Variants in PLEKHH2 observed in about 807,000 individuals in gnomAD.
PLEKHH2 encodes pleckstrin homology, MyTH4 and FERM domain containing H2, also known as pleckstrin homology domain-containing family H member 2.
PLEKHH2 carries 129 observed loss-of-function variants against 187.9 expected under a neutral mutation model. The ratio of observed to expected loss-of-function variants is 0.69; its 90% confidence interval spans 0.59 to 0.79. PLEKHH2 has a LOEUF of 0.79. PLEKHH2 is among the 30% of genes least tolerant of loss of function. PLEKHH2 has a pLI of 0.00. For synonymous variants in PLEKHH2, 686 were observed against 605.6 expected, an observed-to-expected ratio of 1.13 and a Z score of -1.95; for missense variants, 2,076 against 1,751.2, an observed-to-expected ratio of 1.19 and a Z score of -3.31.
At chr2:43,640,920 A>T (rs1181975837) in intron 1 of PLEKHH2, among the ~76,000 whole-genome samples, 1 of 148,298 alleles carries the variant, frequency 6.7e-6, no homozygotes. Flanking sequence ...AGTAGCTGGG[A>T]CTACAGGCCT....
At chr2:43,678,802 T>C in intron 2 of PLEKHH2, 61 bp from the exon 3 acceptor site, 1 of 1,326,528 alleles carries the variant, frequency 7.5e-7, no homozygotes, top group Admixed American at 1.9e-5. Flanking sequence ...TAAAGCCTTT[T>C]TCAGAAAGGC....
At chr2:43,730,470 C>T (rs1670983429) in intron 18 of PLEKHH2, among the ~76,000 whole-genome samples, 1 of 152,232 alleles carries the variant, frequency 6.6e-6, no homozygotes, top group African/African-American at 2.4e-5. Flanking sequence ...ATGATCTCCG[C>T]TCACTGCAAC....
In PLEKHH2 at chr2:43,712,205, C is replaced by T. The variant is rs1013585586; in HGVS notation, c.2302-20C>T. ...AATCTTCACAGTTTTCTTTCCTATA[C>T]CTTTCTCGTTGCATTCTAGTTGACC... is the stretch of plus-strand genomic sequence containing the variant. On this transcript the variant is annotated intron_variant, in intron 14 of 29. Coordinates refer to ENST00000282406, the MANE Select transcript of PLEKHH2 (RefSeq NM_172069.4). 5 of 1,607,056 alleles carry T rather than the reference C, an allele frequency of 3.1e-6. No individual in the cohort carries two copies. The highest frequency in any genetic ancestry group is 4.3e-6 in the Non-Finnish European group (5 of 1,173,712).
chr2:43,751,145 T>A (rs1052758092), intron 24 of PLEKHH2, among the ~76,000 whole-genome samples: 18 of 152,212 alleles, frequency 1.2e-4, no homozygotes, highest in Middle Eastern at 3.2e-3. Context: ...TGTAAAGCAC[T>A]TGGTTCAGAG....
At chr2:43,684,226 T>C (rs992044833) in intron 3 of PLEKHH2, among the ~76,000 whole-genome samples, 8 of 151,962 alleles carry the variant, frequency 5.3e-5, no homozygotes, top group African/African-American at 1.9e-4. Context: ...TCCCTTCCCT[T>C]CTTTTTCCTT....
chr2:43,682,957 C>G (rs550478037), intron 3 of PLEKHH2, among the ~76,000 whole-genome samples: 2 of 152,072 alleles, frequency 1.3e-5, no homozygotes, highest in East Asian at 3.9e-4. Flanking sequence ...CACACACACA[C>G]ACACAATTTG....
chr2:43,729,692 G>T lies in PLEKHH2; in HGVS notation c.2777G>T (p.Gly926Val). ...VAAGSNNVNV[G>V]SEFEQLVCKL... is the part of the protein sequence containing the mutation. ...GCTGGAAGCAACAATGTAAACGTTG[G>T]ATCTGAATTTGAACAACTGGTTTGC... is the stretch of plus-strand genomic sequence containing the variant. Residue 926 changes from glycine to valine, a missense_variant, in exon 18 of 30, where the codon GGA becomes GTA. By Grantham distance (109) the Gly-to-Val change is moderately radical. Transcript: ENST00000282406. 3.1e-6 allele frequency: 5 copies of T among 1,609,940 alleles called. No individual in the cohort carries two copies. The highest frequency in any genetic ancestry group is 4.2e-6 in the Non-Finnish European group (5 of 1,178,630).
intron 9 of PLEKHH2, among the ~76,000 whole-genome samples, chr2:43,704,580 G>T (rs924328863): frequency 6.7e-6 from 1 of 149,126 alleles, no homozygotes; most frequent in Admixed American, 6.7e-5. Context: ...GGAGGATGGC[G>T]TGAACCGAGG....
chr2:43,744,883 AAAAAGAAAAAG>A (rs1671715070), intron 23 of PLEKHH2, among the ~76,000 whole-genome samples: 1 of 147,710 alleles, frequency 6.8e-6, no homozygotes, highest in Non-Finnish European at 1.5e-5. Flanking sequence ...AAAAAAAAAA[AAAAAGAAAAAG>A]AAAAGAAAGG....
chr2:43,732,793 C>T (rs1321168262), intron 19 of PLEKHH2, among the ~76,000 whole-genome samples: 1 of 152,114 alleles, frequency 6.6e-6, no homozygotes, highest in Non-Finnish European at 1.5e-5. Context: ...ACCCATAATT[C>T]CATGTACTCT....
At chr2:43,639,191 T>C (rs1354570978) in intron 1 of PLEKHH2, among the ~76,000 whole-genome samples, 2 of 152,210 alleles carry the variant, frequency 1.3e-5, no homozygotes, top group African/African-American at 4.8e-5. Context: ...GTAAATGCAG[T>C]CCTAGTATAC....
chr2:43,690,919 A>C (rs1225329634), intron 3 of PLEKHH2, among the ~76,000 whole-genome samples: 1 of 152,266 alleles, frequency 6.6e-6, no homozygotes, highest in Non-Finnish European at 1.5e-5. Context: ...AGGTGGTGAT[A>C]GGAAAATCTA....
At chr2:43,679,873 T>C (rs553306443) in intron 3 of PLEKHH2, among the ~76,000 whole-genome samples, 7 of 152,344 alleles carry the variant, frequency 4.6e-5, no homozygotes, top group Non-Finnish European at 7.3e-5. Context: ...GGTCTCACTA[T>C]GTTGTCCAGG....
At chr2:43,729,507 C>A in intron 17 of PLEKHH2, 130 bp from the exon 18 acceptor site, 1 of 547,536 alleles carries the variant, frequency 1.8e-6, no homozygotes, top group Non-Finnish European at 3.0e-6. Flanking sequence ...AATGGCTTTT[C>A]ATTATTATTT....
Position 43,764,208 on chromosome 2 carries a change from AC to A in PLEKHH2, c.4159-19del. ...GGAAGTAAGAGCATATAACATATAT[AC>A]TTTTTCTTATCTTTAAAGAGGTTAA... is the stretch of plus-strand genomic sequence containing the variant. On this transcript the variant is annotated intron_variant, in intron 28 of 29. Transcript: ENST00000282406. The A allele has an allele frequency of 7.3e-7, 1 of 1,363,734 alleles. No individual in the cohort carries two copies. The highest frequency in any genetic ancestry group is 9.7e-7 in the Non-Finnish European group (1 of 1,027,554). The allele number at this position is 1,363,734 out of a possible 1,614,324, so 84.5% of individuals were successfully genotyped here.
chr2:43,667,967 A>T (rs1667294718), intron 2 of PLEKHH2, among the ~76,000 whole-genome samples: 1 of 152,190 alleles, frequency 6.6e-6, no homozygotes, highest in Non-Finnish European at 1.5e-5. Flanking sequence ...AATTTTTTAA[A>T]AAGTTTGGAA....
At chr2:43,690,905 T>G (rs917235066) in intron 3 of PLEKHH2, among the ~76,000 whole-genome samples, 1 of 152,200 alleles carries the variant, frequency 6.6e-6, no homozygotes, top group Non-Finnish European at 1.5e-5. Context: ...AAGTGAGAAC[T>G]AAAAGGTGGT....
chr2:43,684,700 C>T (rs1374019223), intron 3 of PLEKHH2, among the ~76,000 whole-genome samples: 1 of 151,748 alleles, frequency 6.6e-6, no homozygotes, highest in African/African-American at 2.4e-5. Context: ...AAGGACTTCT[C>T]TCCTTTGAAG....
At chr2:43,648,748 T>C (rs1666318736) in intron 2 of PLEKHH2, among the ~76,000 whole-genome samples, 1 of 151,792 alleles carries the variant, frequency 6.6e-6, no homozygotes, top group Non-Finnish European at 1.5e-5. Context: ...ATCTGGCTAA[T>C]TTTGTATTTT....
Sources: gnomAD v4.1 joint callset for allele counts (sites outside exome capture counted in the v4.1 genomes callset) on GRCh38, gnomAD v4.1.1 for gene constraint, MANE v1.5 for transcripts, NCBI Gene and HGNC (gene_info 2026-07-23, HGNC 2026-07-21) for gene names.